ARHGAP15: variants seen among roughly 807,000 people sequenced by gnomAD.
ARHGAP15 encodes rho GTPase-activating protein 15.
In ARHGAP15, 51 loss-of-function variants were observed where a neutral mutation model predicts 63.7. The observed-to-expected ratio is 0.80, with a 90% CI of 0.64 to 1.01. The LOEUF (loss-of-function observed/expected upper bound fraction) is 1.01, where lower values mean the gene tolerates loss of function less well. Ranked by LOEUF, ARHGAP15 falls within the 50% of genes least tolerant of loss-of-function variation. The pLI is 0.00. For missense variants in ARHGAP15, 560 were observed against 564.6 expected, an observed-to-expected ratio of 0.99 and a Z score of 0.08; for synonymous variants, 191 against 193.8, an observed-to-expected ratio of 0.99 and a Z score of 0.12.
chr2:143,161,257 G>C (rs1690283230), intron 2 of ARHGAP15, among the ~76,000 whole-genome samples: 1 of 151,896 alleles, frequency 6.6e-6, no homozygotes, highest in African/African-American at 2.4e-5. Context: ...TGTTTCCAGA[G>C]GGGAGAAAAA....
intron 10 of ARHGAP15, among the ~76,000 whole-genome samples, chr2:143,552,255 C>T (rs1428563180): frequency 2.6e-5 from 4 of 152,138 alleles, no homozygotes; most frequent in Non-Finnish European, 1.5e-5. Context: ...TCAGGACACA[C>T]CACTCAACCA....
chr2:143,671,883 A>C (rs965903361), intron 12 of ARHGAP15, among the ~76,000 whole-genome samples: 2 of 152,204 alleles, frequency 1.3e-5, no homozygotes, highest in African/African-American at 4.8e-5. Context: ...GCTTCATAAC[A>C]GTTGCTTAAT....
intron 8 of ARHGAP15, among the ~76,000 whole-genome samples, chr2:143,446,273 A>C (rs985724948): frequency 1.3e-5 from 2 of 151,642 alleles, no homozygotes; most frequent in Non-Finnish European, 2.9e-5. Flanking sequence ...TGTAGATTAT[A>C]TATTATGTTA....
intron 10 of ARHGAP15, among the ~76,000 whole-genome samples, chr2:143,526,334 A>C (rs1694281749): frequency 6.6e-6 from 1 of 151,590 alleles, no homozygotes; most frequent in Non-Finnish European, 1.5e-5. Flanking sequence ...AAAATCCACA[A>C]TGCATCAGAA....
chr2:143,423,371 A>T (rs1689012050), intron 6 of ARHGAP15, among the ~76,000 whole-genome samples: 1 of 152,108 alleles, frequency 6.6e-6, no homozygotes, highest in South Asian at 2.1e-4. Context: ...GCCTTTCATT[A>T]TGTGGATACC....
rs927165991 is a variant in ARHGAP15, at chr2:143,189,411, T to C, written c.166-12723T>C. Among the ~76,000 whole-genome samples the C allele has an allele frequency of 8.5e-5, 11 of 129,804 alleles. No individual in the cohort carries two copies. In the Admixed American group the frequency reaches 9.5e-4, roughly 11 times the overall value. The allele number at this position is 129,804 out of a possible 152,430, so 85.2% of individuals were successfully genotyped here. On this transcript the variant is annotated intron_variant, in intron 2 of 13. Coordinates refer to ENST00000295095, the MANE Select transcript of ARHGAP15 (RefSeq NM_018460.4). ...TCTTGTACTTCATGTTAAATTCTTT[T>C]TCCAGCTATTAAAAAAAAATTGTTC...
intron 12 of ARHGAP15, among the ~76,000 whole-genome samples, chr2:143,647,359 TAAAAAAAA>T (rs79292470): frequency 1.5e-5 from 2 of 136,510 alleles, no homozygotes; most frequent in Admixed American, 7.5e-5. Context: ...ACCAAGTAGT[TAAAAAAAA>T]AAAAAAAAAG....
At chr2:143,722,401 A>T (rs1407745619) in intron 13 of ARHGAP15, among the ~76,000 whole-genome samples, 2 of 152,058 alleles carry the variant, frequency 1.3e-5, no homozygotes, top group Non-Finnish European at 2.9e-5. Flanking sequence ...AAAATTTATC[A>T]TTTGAAGTGT....
chr2:143,593,093 T>G (rs1697383517), intron 11 of ARHGAP15, among the ~76,000 whole-genome samples: 1 of 152,232 alleles, frequency 6.6e-6, no homozygotes, highest in Admixed American at 6.5e-5. Context: ...GACATTGGCC[T>G]GTATGTGGAA....
At chr2:143,557,391 A>T (rs1384723585) in intron 11 of ARHGAP15, among the ~76,000 whole-genome samples, 3 of 152,126 alleles carry the variant, frequency 2.0e-5, no homozygotes, top group African/African-American at 7.2e-5. Flanking sequence ...CCAGTGTGAA[A>T]AGGTATGATT....
chr2:143,528,544 G>A (rs927444417), intron 10 of ARHGAP15, among the ~76,000 whole-genome samples: 1 of 151,826 alleles, frequency 6.6e-6, no homozygotes, highest in African/African-American at 2.4e-5. Context: ...TTTGCTATTG[G>A]ATATTGATTT....
chr2:143,662,459 A>T (rs1681872010), intron 12 of ARHGAP15, among the ~76,000 whole-genome samples: 1 of 144,470 alleles, frequency 6.9e-6, no homozygotes, highest in African/African-American at 2.5e-5. Context: ...AACCACAAAG[A>T]TGGGGAAAAA....
intron 6 of ARHGAP15, among the ~76,000 whole-genome samples, chr2:143,348,879 TAA>T (rs1558911665): frequency 6.6e-6 from 1 of 152,140 alleles, no homozygotes; most frequent in African/African-American, 2.4e-5. Context: ...ATCTTCCAAA[TAA>T]GGAAATGGGA....
intron 13 of ARHGAP15, among the ~76,000 whole-genome samples, chr2:143,748,198 TC>T (rs1686240427): frequency 6.6e-6 from 1 of 152,214 alleles, no homozygotes; most frequent in Admixed American, 6.5e-5. Flanking sequence ...AGAATATAAT[TC>T]CAAATTTGAA....
At chr2:143,223,296 T>G (rs2105159587) in intron 4 of ARHGAP15, among the ~76,000 whole-genome samples, 1 of 152,288 alleles carries the variant, frequency 6.6e-6, no homozygotes, top group Admixed American at 6.5e-5. Flanking sequence ...TTTCTTGCCC[T>G]AGGATTTGTC....
chr2:143,301,990 T>TA (rs1207106530), intron 6 of ARHGAP15, among the ~76,000 whole-genome samples: 6 of 151,902 alleles, frequency 3.9e-5, no homozygotes, highest in Admixed American at 6.6e-5. Context: ...GGTAATTTTA[T>TA]AAAAAAAGTT....
chr2:143,438,630 T>C (rs932983768), intron 8 of ARHGAP15, among the ~76,000 whole-genome samples: 4 of 152,184 alleles, frequency 2.6e-5, no homozygotes, highest in African/African-American at 9.7e-5. Context: ...GGTTTATTTG[T>C]GGAGAGTTAA....
intron 6 of ARHGAP15, among the ~76,000 whole-genome samples, chr2:143,380,494 T>C (rs1033512395): frequency 1.3e-5 from 2 of 152,152 alleles, no homozygotes; most frequent in Non-Finnish European, 2.9e-5. Flanking sequence ...TGTCTCCTTT[T>C]ACCCTCAAGA....
At chr2:143,718,898 A>G (rs1484645464) in intron 13 of ARHGAP15, among the ~76,000 whole-genome samples, 1 of 152,204 alleles carries the variant, frequency 6.6e-6, no homozygotes, top group East Asian at 1.9e-4. Context: ...TTCCCTTCCC[A>G]TGTCTGGGAG....
Sources: allele counts gnomAD v4.1 joint callset (sites outside exome capture counted in the v4.1 genomes callset), GRCh38; gene constraint gnomAD v4.1.1; transcripts MANE v1.5; gene names NCBI Gene and HGNC (gene_info 2026-07-23, HGNC 2026-07-21).